The following HDGF variants were observed in gnomAD, a reference collection of about 807,000 sequenced individuals.
HDGF encodes the protein heparin binding growth factor.
A neutral mutation model predicts 30.0 loss-of-function variants in HDGF; 5 were observed. The observed-to-expected ratio is 0.17, with a 90% confidence interval of 0.09 to 0.35. The LOEUF (loss-of-function observed/expected upper bound fraction) is 0.35. Among genes scored for constraint, HDGF ranks in the 10% least tolerant of loss-of-function variants. The probability of loss-of-function intolerance (pLI) is 1.00; values close to 1 mark genes in which losing one functional copy is unlikely to be tolerated. For synonymous variants in HDGF, 133 were observed against 112.7 expected (o/e 1.18, Z -1.14); for missense variants, 214 against 302.8 (o/e 0.71, Z 2.18).
At position 156,749,964 on chromosome 1, in the gene HDGF, C is replaced by G. The variant is rs75279955; in HGVS notation, c.87+1379G>C. 9.2e-5 allele frequency among the ~76,000 whole-genome samples: 14 copies of G among 152,308 alleles called. No individual in the cohort carries two copies. The East Asian group carries it at 2.7e-3, about 29-fold the overall frequency. Reference sequence around the variant, plus strand: ...GGTAAAGTACAGGAGAGTTGTAACGCAGAGAGTCCCGCTTCTCTTTGTACT... The same window carrying G: ...GGTAAAGTACAGGAGAGTTGTAACGGAGAGAGTCCCGCTTCTCTTTGTACT... On this transcript the variant is annotated intron_variant, in intron 1 of 5. Coordinates refer to ENST00000357325, the MANE Select transcript of HDGF (RefSeq NM_004494.3).
upstream of HDGF, chr1:156,755,632 C>T (rs1250319773): frequency 1.3e-5 from 2 of 152,234 alleles, no homozygotes; most frequent in Non-Finnish European, 2.9e-5. Flanking sequence ...GTGACCTACT[C>T]ACATCACGAT....
Position 156,742,776 on chromosome 1 carries a change from G to A in HDGF, c.*673C>T, listed in dbSNP as rs1650218677. ...TCAGGTCCTTGGCCCGAACAACTTG[G>A]AAGCCCCAAATTCTCTTGATGATTA... is the stretch of plus-strand genomic sequence containing the variant. On this transcript the variant is annotated 3_prime_UTR_variant, in exon 6 of 6. Transcript: ENST00000357325. The A allele has an allele frequency of 6.5e-6, 1 of 154,718 alleles. No homozygotes were observed. The highest frequency in any genetic ancestry group is 2.4e-5 in the African/African-American group (1 of 41,482). 9.6% of individuals were successfully genotyped at this position (154,718 alleles called of 1,614,324 possible). A position where few individuals can be genotyped will look rare whatever the true frequency, so the allele number is the denominator to read the frequency against.
upstream of HDGF, among the ~76,000 whole-genome samples, chr1:156,754,038 C>G (rs1220850709): frequency 6.6e-6 from 1 of 151,800 alleles, no homozygotes; most frequent in Admixed American, 6.6e-5. Context: ...GCCCCAGCCT[C>G]CTGAGTAGCT....
chr1:156,765,091 C>T (rs1017106995), intron 1 of HDGF, among the ~76,000 whole-genome samples: 3 of 151,032 alleles, frequency 2.0e-5, no homozygotes, highest in Non-Finnish European at 4.4e-5. Context: ...GCGCCCCCCC[C>T]GCCCTTTTTT....
At chr1:156,765,178 C>T (rs557555801) in intron 1 of HDGF, among the ~76,000 whole-genome samples, 17 of 150,802 alleles carry the variant, frequency 1.1e-4, no homozygotes, top group African/African-American at 2.2e-4. Context: ...CCACAACCTC[C>T]GCCTCCCGGG....
upstream of HDGF, chr1:156,752,237 G>T (rs946877790): frequency 1.3e-6 from 2 of 1,551,828 alleles, no homozygotes; most frequent in Middle Eastern, 1.7e-4. Flanking sequence ...ACCGTATGGG[G>T]GGTGGCCCTG....
chr1:156,752,138 T>C, upstream of HDGF: 3 of 1,551,588 alleles, frequency 1.9e-6, no homozygotes, highest in Non-Finnish European at 2.6e-6. Flanking sequence ...CACCCGCGGT[T>C]CTTGGCAGCG....
At chr1:156,745,397 G>T (rs922401052) in intron 1 of HDGF, 24 bp from the exon 2 acceptor site, 2 of 1,604,844 alleles carry the variant, frequency 1.2e-6, no homozygotes, top group African/African-American at 2.7e-5. Context: ...AGGGGGTGAG[G>T]TTAGCTAGAG....
intron 1 of HDGF, 68 bp from the exon 2 acceptor site, chr1:156,745,441 A>T: frequency 7.6e-7 from 1 of 1,313,768 alleles, no homozygotes. Context: ...AGGGGTGCTG[A>T]CCTCCAAGGC....
rs1650355378 is a variant in HDGF at position 156,744,318 on chromosome 1, G to A, written c.334C>T (p.Pro112Ser). Residue 112 changes from proline to serine, a missense_variant, in exon 4 of 6, where the codon CCT becomes TCT. This residue lies in a region of HDGF where 176 missense variants were observed against 211.7 expected (regional missense o/e 0.83). Coordinates refer to ENST00000357325, the MANE Select transcript of HDGF (RefSeq NM_004494.3). ...SSQKKSCVEE[P>S]EPEPEAAEGD... ...TCTGCAGCTTCGGGCTCTGGTTCAGGCTCTTCCACACAGCTCTTTTTCTGG... is the reference window on the plus strand; with the variant it reads ...TCTGCAGCTTCGGGCTCTGGTTCAGACTCTTCCACACAGCTCTTTTTCTGG... The A allele has an allele frequency of 6.2e-7, 1 of 1,613,996 alleles. No homozygotes were observed. Among genetic ancestry groups the A allele is most frequent in the South Asian group, 1.1e-5 (1 of 91,088 alleles).
rs767576468 is a variant in HDGF, at chr1:156,745,084, G to T, written c.227C>A (p.Pro76His). 6.2e-7 allele frequency: 1 copy of T among 1,613,914 alleles called. No homozygotes were observed. The highest frequency in any genetic ancestry group is 8.5e-7 in the Non-Finnish European group (1 of 1,180,006). ...YEESKEKFGK[P>H]NKRKGFSEGL... ...CTCGCTGAACCCTTTCCTCTTGTTG[G>T]GCTTGCCAAACTTCTCCTTGGATTC... Residue 76 changes from proline (P) to histidine (H), a missense_variant, in exon 3 of 6, where the codon CCC becomes CAC. Pro to His is a moderately conservative substitution (Grantham distance 77). Coordinates refer to ENST00000357325, the MANE Select transcript of HDGF (RefSeq NM_004494.3).
intron 1 of HDGF, among the ~76,000 whole-genome samples, chr1:156,766,139 G>A (rs2102745649): frequency 6.6e-6 from 1 of 152,320 alleles, no homozygotes; most frequent in East Asian, 1.9e-4. Flanking sequence ...CATGGAGAAG[G>A]CAGCATGGAG....
chr1:156,743,723 T>G lies in HDGF; in HGVS notation c.645A>C (p.Glu215Asp). 6.2e-7 allele frequency: 1 copy of G among 1,603,682 alleles called. No individual in the cohort carries two copies. The highest frequency in any genetic ancestry group is 8.5e-7 in the Non-Finnish European group (1 of 1,175,198). ...GSGRGPPQEE[E>D]EEEDEEEEAT... is the part of the protein sequence containing the mutation. ...CCTCTTCCTCTTCATCCTCCTCCTC[T>G]TCTTCCTCTTGGGGAGGCCCCCGGC... is the stretch of plus-strand genomic sequence containing the variant. The change falls in exon 5 of 6, where the codon GAA (glutamate) becomes GAC (aspartate). Residue 215 changes from glutamate (E) to aspartate (D), a missense_variant. Around this residue, in one of 2 missense-constraint regions of HDGF, gnomAD observed 176 missense variants for 211.7 expected, o/e 0.83. Coordinates refer to ENST00000357325, the MANE Select transcript of HDGF (RefSeq NM_004494.3).
At chr1:156,750,269 T>TCATG (rs1342937016) in intron 1 of HDGF, among the ~76,000 whole-genome samples, 1 of 152,044 alleles carries the variant, frequency 6.6e-6, no homozygotes, top group Non-Finnish European at 1.5e-5. Flanking sequence ...GGATACTGAG[T>TCATG]CATGCCCTCG....
chr1:156,745,081 T>C lies in HDGF; in HGVS notation c.230A>G (p.Asn77Ser), dbSNP rs1650431688. The C allele has an allele frequency of 1.2e-6, 2 of 1,613,872 alleles. No individual in the cohort carries two copies. Among genetic ancestry groups the C allele is most frequent in the Admixed American group, 1.7e-5 (1 of 59,978 alleles). The change falls in exon 3 of 6, where the codon AAC becomes AGC. Residue 77 changes from asparagine to serine, a missense_variant. This residue lies in a region of HDGF where 176 missense variants were observed against 211.7 expected (regional missense o/e 0.83). Transcript: ENST00000357325. ...EESKEKFGKPNKRKGFSEGLW... is the reference protein window; with the variant it reads ...EESKEKFGKPSKRKGFSEGLW... ...CCCCTCGCTGAACCCTTTCCTCTTG[T>C]TGGGCTTGCCAAACTTCTCCTTGGA...
At chr1:156,765,183 C>T (rs529966009) in intron 1 of HDGF, among the ~76,000 whole-genome samples, 3 of 150,948 alleles carry the variant, frequency 2.0e-5, no homozygotes, top group East Asian at 4.0e-4. Flanking sequence ...ACCTCCGCCT[C>T]CCGGGTTCAA....
intron 1 of HDGF, among the ~76,000 whole-genome samples, chr1:156,761,656 A>C (rs760797120): frequency 7.1e-6 from 1 of 141,142 alleles, no homozygotes; most frequent in Non-Finnish European, 1.5e-5. Flanking sequence ...AAAATAAATA[A>C]ATTAAAAAAG....
intron 1 of HDGF, among the ~76,000 whole-genome samples, chr1:156,746,380 G>A (rs1034311950): frequency 6.6e-6 from 1 of 152,198 alleles, no homozygotes; most frequent in African/African-American, 2.4e-5. Flanking sequence ...GAAGTGGAGG[G>A]GTGAGGTCAA....
upstream of HDGF, among the ~76,000 whole-genome samples, chr1:156,754,992 C>G (rs778943294): frequency 6.6e-6 from 1 of 152,094 alleles, no homozygotes; most frequent in Non-Finnish European, 1.5e-5. Context: ...TCAGGAGGTT[C>G]GGAGTGTGTG....
Sources: allele counts gnomAD v4.1 joint callset (sites outside exome capture counted in the v4.1 genomes callset), GRCh38; gene constraint gnomAD v4.1.1; regional missense constraint gnomAD v4.1.1; transcripts MANE v1.5; gene names NCBI Gene and HGNC (gene_info 2026-07-23, HGNC 2026-07-21).